CNGB3: variants seen among roughly 807,000 people sequenced by gnomAD.
CNGB3 encodes cyclic nucleotide gated channel subunit beta 3, also known as cyclic nucleotide-gated channel beta-3.
CNGB3 carries 86 observed loss-of-function variants against 92.8 expected under a neutral mutation model. The ratio of observed to expected loss-of-function variants is 0.93; its 90% CI spans 0.78 to 1.11. The LOEUF is 1.11. Among genes scored for constraint, CNGB3 ranks in the 50% least tolerant of loss-of-function variants. The pLI, the probability that CNGB3 is intolerant of heterozygous loss-of-function variation, is 0.00. For missense variants in CNGB3, 1,026 were observed against 956.8 expected (o/e 1.07, Z -0.95); for synonymous variants, 333 against 332.7 (o/e 1.00, Z -0.01).
At chr8:86,711,968 C>G (rs1824759751) in intron 3 of CNGB3, among the ~76,000 whole-genome samples, 1 of 151,556 alleles carries the variant, frequency 6.6e-6, no homozygotes, top group Admixed American at 6.6e-5. Context: ...TTTTGAGTAC[C>G]AGGATCACTG....
intron 1 of CNGB3, among the ~76,000 whole-genome samples, chr8:86,742,946 T>C (rs1825367580): frequency 6.6e-6 from 1 of 152,220 alleles, no homozygotes; most frequent in African/African-American, 2.4e-5. Flanking sequence ...TTCTACGTTG[T>C]GGAGGGCTGT....
chr8:86,695,596 T>G (rs930034338), intron 3 of CNGB3, among the ~76,000 whole-genome samples: 1 of 152,154 alleles, frequency 6.6e-6, no homozygotes, highest in African/African-American at 2.4e-5. Flanking sequence ...TTTAAGTTGG[T>G]TTTCACCTTT....
chr8:86,579,737 C>T (rs762857836), intron 15 of CNGB3, among the ~76,000 whole-genome samples: 2 of 152,172 alleles, frequency 1.3e-5, no homozygotes, highest in African/African-American at 4.8e-5. Flanking sequence ...CTGTTATTTT[C>T]CTGCCAAGCC....
intron 3 of CNGB3, among the ~76,000 whole-genome samples, chr8:86,693,922 C>T (rs1423710807): frequency 3.9e-5 from 6 of 152,088 alleles, no homozygotes; most frequent in Admixed American, 1.3e-4. Context: ...TCCACAAAAC[C>T]GCCATTGTCA....
chr8:86,660,812 A>G lies in CNGB3; in HGVS notation c.852+6113T>C, dbSNP rs1445666354. On this transcript the variant is annotated intron_variant, in intron 6 of 17. Coordinates refer to ENST00000320005, the MANE Select transcript of CNGB3 (RefSeq NM_019098.5). ...ATTGTCCTGCTACCCTCCAAAGTCT[A>G]TGAATACCAATACTAATAACTTGGC... is the stretch of plus-strand genomic sequence containing the variant. The G allele has an allele frequency of 6.3e-6, 3 of 475,718 alleles. No individual in the cohort carries two copies. The East Asian group carries it at 1.7e-4, about 27-fold the overall frequency. The allele number at this position is 475,718 out of a possible 1,614,324, so 29.5% of individuals were successfully genotyped here.
At chr8:86,587,710 T>C (rs542867502) in intron 15 of CNGB3, among the ~76,000 whole-genome samples, 91 of 150,112 alleles carry the variant, frequency 6.1e-4, no homozygotes, top group African/African-American at 2.2e-3. Context: ...TCTGTTTTGG[T>C]ACCAGTACCA....
intron 14 of CNGB3, 74 bp downstream of exon 14, chr8:86,611,514 A>C: frequency 1.6e-6 from 2 of 1,232,718 alleles, no homozygotes; most frequent in Non-Finnish European, 2.4e-6. Context: ...TTGTTTAAAC[A>C]ATGTTCTTGA....
At chr8:86,686,642 A>G (rs544806381) in intron 3 of CNGB3, among the ~76,000 whole-genome samples, 9 of 83,082 alleles carry the variant, frequency 1.1e-4, no homozygotes, top group Non-Finnish European at 1.8e-4. Context: ...ACCTAAATAC[A>G]GGGTGTTCTG....
chr8:86,695,261 C>T lies in CNGB3; in HGVS notation c.339-24163G>A, dbSNP rs565842645. Among the ~76,000 whole-genome samples, 701 of 152,226 alleles carry T rather than the reference C, an allele frequency of 4.6e-3. 10 individuals carry two copies. Among genetic ancestry groups the T allele is most frequent in the African/African-American group, 0.016 (663 of 41,548 alleles). On this transcript the variant is annotated intron_variant, in intron 3 of 17. Coordinates refer to ENST00000320005, the MANE Select transcript of CNGB3 (RefSeq NM_019098.5). Reference sequence around the variant, plus strand: ...AGATGGCAGCAGTACAGTCCAGCTTCGGCTCGGCATCAGAGGGAGACCGTG... The same window carrying T: ...AGATGGCAGCAGTACAGTCCAGCTTTGGCTCGGCATCAGAGGGAGACCGTG...
chr8:86,608,396 C>T (rs972975765), intron 14 of CNGB3, among the ~76,000 whole-genome samples: 4 of 152,186 alleles, frequency 2.6e-5, no homozygotes, highest in Admixed American at 6.5e-5. Flanking sequence ...CCAGGTGGAC[C>T]GTGGTCTAGC....
chr8:86,664,924 A>T (rs1823712213), intron 6 of CNGB3, among the ~76,000 whole-genome samples: 1 of 152,140 alleles, frequency 6.6e-6, no homozygotes. Context: ...ACTGAATAAT[A>T]GTATATTTTG....
At chr8:86,720,196 C>G (rs1824939032) in intron 3 of CNGB3, among the ~76,000 whole-genome samples, 1 of 152,112 alleles carries the variant, frequency 6.6e-6, no homozygotes, top group South Asian at 2.1e-4. Flanking sequence ...AAATAATCAG[C>G]AGAGTTAACA....
intron 4 of CNGB3, among the ~76,000 whole-genome samples, chr8:86,668,630 C>G (rs76776530): frequency 2.0e-5 from 3 of 146,604 alleles, no homozygotes; most frequent in South Asian, 4.3e-4. Context: ...AGAAAAAATA[C>G]GTCAATGTAA....
chr8:86,668,701 A>C (rs2131616709), intron 4 of CNGB3, among the ~76,000 whole-genome samples: 1 of 152,142 alleles, frequency 6.6e-6, no homozygotes, highest in South Asian at 2.1e-4. Flanking sequence ...TACAAAAAAA[A>C]AAAAAGAACA....
At chr8:86,631,916 G>A (rs1380561664) in intron 11 of CNGB3, among the ~76,000 whole-genome samples, 4 of 152,118 alleles carry the variant, frequency 2.6e-5, no homozygotes, top group Non-Finnish European at 5.9e-5. Context: ...AGAGATGGTG[G>A]CCAAATCTCC....
chr8:86,685,425 G>A (rs1204676995), intron 3 of CNGB3, among the ~76,000 whole-genome samples: 1 of 152,028 alleles, frequency 6.6e-6, no homozygotes, highest in Non-Finnish European at 1.5e-5. Flanking sequence ...GCACGTCGAC[G>A]TTTGAGAAAC....
chr8:86,689,481 C>T (rs994249749), intron 3 of CNGB3, among the ~76,000 whole-genome samples: 4 of 150,444 alleles, frequency 2.7e-5, no homozygotes, highest in African/African-American at 7.3e-5. Flanking sequence ...CATATATATA[C>T]ACACACACAA....
intron 13 of CNGB3, among the ~76,000 whole-genome samples, chr8:86,620,800 T>G (rs1822710748): frequency 6.6e-6 from 1 of 152,074 alleles, no homozygotes; most frequent in Non-Finnish European, 1.5e-5. Context: ...ATTTCCTTCC[T>G]AAGAAAATAA....
At chr8:86,587,436 G>A (rs1821921625) in intron 15 of CNGB3, among the ~76,000 whole-genome samples, 2 of 152,144 alleles carry the variant, frequency 1.3e-5, no homozygotes, top group Admixed American at 1.3e-4. Flanking sequence ...GAATGGTAAT[G>A]CCTAGGTTTT....
Sources: gnomAD v4.1 joint callset for allele counts (sites outside exome capture counted in the v4.1 genomes callset) on GRCh38, gnomAD v4.1.1 for gene constraint, MANE v1.5 for transcripts, NCBI Gene and HGNC (gene_info 2026-07-23, HGNC 2026-07-21) for gene names.